The following NEGR1 variants were observed in gnomAD, a reference collection of about 807,000 sequenced individuals.
NEGR1 encodes neuronal growth regulator 1.
In NEGR1, 10 loss-of-function variants were observed where a neutral mutation model predicts 40.9. That is an observed-to-expected ratio of 0.24 (90% CI 0.15 to 0.42). The LOEUF is 0.42. NEGR1 is among the 10% of genes least tolerant of loss of function. The pLI is 1.00. For synonymous variants in NEGR1, 185 were observed against 166.8 expected (o/e 1.11, Z -0.84); for missense variants, 352 against 438.9 (o/e 0.80, Z 1.77).
intron 1 of NEGR1, among the ~76,000 whole-genome samples, chr1:72,211,898 C>T (rs1432235549): frequency 6.6e-6 from 1 of 151,794 alleles, no homozygotes; most frequent in East Asian, 1.9e-4. Context: ...CTCTTAGTTC[C>T]TCACTGCCTC....
chr1:71,620,586 C>G (rs1271066281), intron 4 of NEGR1, among the ~76,000 whole-genome samples: 1 of 151,940 alleles, frequency 6.6e-6, no homozygotes, highest in Non-Finnish European at 1.5e-5. Flanking sequence ...TCAACCAACT[C>G]TTTTTATGAA....
intron 1 of NEGR1, among the ~76,000 whole-genome samples, chr1:72,071,088 C>T (rs1439366195): frequency 6.6e-6 from 1 of 151,814 alleles, no homozygotes; most frequent in Non-Finnish European, 1.5e-5. Flanking sequence ...ATTCAATTCT[C>T]AAAGTTCTCA....
At position 71,992,270 on chromosome 1, in the gene NEGR1, T is replaced by C. The variant is rs557931506; in HGVS notation, c.177-56959A>G. 6.6e-5 allele frequency among the ~76,000 whole-genome samples: 10 copies of C among 152,220 alleles called. 1 individual carries two copies. The South Asian group carries it at 2.1e-3, about 32-fold the overall frequency. On this transcript the variant is annotated intron_variant, in intron 1 of 6. Transcript: ENST00000357731. ...AATTACAATAATATTTCAGGGATAA[T>C]TAAAAATAAGTATAAAAATTAAAGA...
intron 1 of NEGR1, among the ~76,000 whole-genome samples, chr1:71,940,791 A>C (rs918250933): frequency 6.6e-6 from 1 of 152,154 alleles, no homozygotes; most frequent in African/African-American, 2.4e-5. Flanking sequence ...GTAGCGAAAA[A>C]TAGCATATTT....
intron 6 of NEGR1, among the ~76,000 whole-genome samples, chr1:71,428,882 T>A (rs1030365313): frequency 6.6e-6 from 1 of 151,940 alleles, no homozygotes; most frequent in Non-Finnish European, 1.5e-5. Context: ...AATGTTTGAA[T>A]AAGATCCACG....
In NEGR1 at chr1:72,168,861, C is replaced by T. The variant is rs769595058; in HGVS notation, c.176+113458G>A. On this transcript the variant is annotated intron_variant, in intron 1 of 6. Transcript: ENST00000357731. ...GCTGCAGTGAGCTGAGATCACCCCA[C>T]TGCACTCCAGCCTAGGAGACAGAGA... 1.3e-3 allele frequency among the ~76,000 whole-genome samples: 195 copies of T among 152,238 alleles called. 1 individual carries two copies. Among genetic ancestry groups the T allele is most frequent in the Non-Finnish European group, 2.4e-3 (160 of 68,006 alleles).
intron 4 of NEGR1, among the ~76,000 whole-genome samples, chr1:71,632,812 T>A (rs1228445739): frequency 6.6e-6 from 1 of 151,964 alleles, no homozygotes; most frequent in Non-Finnish European, 1.5e-5. Flanking sequence ...GATGAATGAA[T>A]TATAGTTTTC....
intron 2 of NEGR1, among the ~76,000 whole-genome samples, chr1:71,887,557 G>A (rs1660757464): frequency 6.6e-6 from 1 of 152,016 alleles, no homozygotes; most frequent in African/African-American, 2.4e-5. Flanking sequence ...GGGATACAGA[G>A]TGATGTTGCA....
At chr1:71,886,608 T>G (rs1660732175) in intron 2 of NEGR1, among the ~76,000 whole-genome samples, 1 of 152,148 alleles carries the variant, frequency 6.6e-6, no homozygotes, top group Non-Finnish European at 1.5e-5. Context: ...TCAGTCTGCT[T>G]CTGAAACAGT....
At chr1:71,574,832 G>A (rs538342699) in intron 6 of NEGR1, among the ~76,000 whole-genome samples, 2 of 152,294 alleles carry the variant, frequency 1.3e-5, no homozygotes, top group South Asian at 4.1e-4. Context: ...CTTATTCGGT[G>A]AAGATAATTA....
intron 3 of NEGR1, among the ~76,000 whole-genome samples, chr1:71,743,859 A>C (rs1251012402): frequency 6.6e-6 from 1 of 152,232 alleles, no homozygotes; most frequent in Non-Finnish European, 1.5e-5. Context: ...TAATTGAAGT[A>C]GTAGACTGCA....
At chr1:71,990,916 A>ATT (rs1466196030) in intron 1 of NEGR1, among the ~76,000 whole-genome samples, 14 of 119,120 alleles carry the variant, frequency 1.2e-4, no homozygotes, top group African/African-American at 3.9e-4. Context: ...ATATATATAT[A>ATT]TATTTTTTTT....
intron 6 of NEGR1, among the ~76,000 whole-genome samples, chr1:71,568,003 T>G (rs140005593): frequency 2.0e-4 from 31 of 152,266 alleles, no homozygotes; most frequent in Non-Finnish European, 1.9e-4. Context: ...CTGTTGTTAA[T>G]AAACCACCCA....
chr1:71,922,446 C>T (rs553667061), intron 2 of NEGR1, among the ~76,000 whole-genome samples: 3 of 152,214 alleles, frequency 2.0e-5, no homozygotes, highest in Non-Finnish European at 2.9e-5. Context: ...AATATCTTTC[C>T]GTTAATTTTA....
At chr1:71,724,972 C>T (rs944842423) in intron 3 of NEGR1, among the ~76,000 whole-genome samples, 1 of 152,092 alleles carries the variant, frequency 6.6e-6, no homozygotes, top group African/African-American at 2.4e-5. Context: ...TCTCTCAAAG[C>T]AGTAAGGTGA....
intron 6 of NEGR1, among the ~76,000 whole-genome samples, chr1:71,513,814 G>A (rs1325056475): frequency 1.3e-5 from 2 of 151,130 alleles, no homozygotes; most frequent in African/African-American, 2.4e-5. Flanking sequence ...CTGAGGTACC[G>A]GGTTCATCTC....
chr1:71,903,672 T>A (rs1661199796), intron 2 of NEGR1, among the ~76,000 whole-genome samples: 1 of 151,932 alleles, frequency 6.6e-6, no homozygotes, highest in Admixed American at 6.6e-5. Flanking sequence ...TAAATACATT[T>A]ATTTCATACA....
At chr1:71,762,398 A>G (rs991506576) in intron 3 of NEGR1, among the ~76,000 whole-genome samples, 1 of 152,104 alleles carries the variant, frequency 6.6e-6, no homozygotes, top group Non-Finnish European at 1.5e-5. Flanking sequence ...TAAAGAATGC[A>G]TATGTTGTAT....
chr1:72,046,849 G>A (rs950899649), intron 1 of NEGR1, among the ~76,000 whole-genome samples: 1 of 151,546 alleles, frequency 6.6e-6, no homozygotes, highest in Admixed American at 6.6e-5. Flanking sequence ...ACACAGATAA[G>A]ATGATCAAAA....
Sources: gnomAD v4.1 joint callset for allele counts (sites outside exome capture counted in the v4.1 genomes callset) on GRCh38, gnomAD v4.1.1 for gene constraint, MANE v1.5 for transcripts, NCBI Gene and HGNC (gene_info 2026-07-23, HGNC 2026-07-21) for gene names.